DTNA: variants seen among roughly 807,000 people sequenced by gnomAD.
DTNA encodes the protein dystrobrevin alpha, also known as dystrophin-related protein 3.
Under a neutral mutation model 100.7 loss-of-function variants are expected in DTNA, and 43 were observed. The ratio of observed to expected loss-of-function variants is 0.43; its 90% CI spans 0.33 to 0.55. The LOEUF (loss-of-function observed/expected upper bound fraction) is 0.55, where lower values mean the gene tolerates loss of function less well. Among genes scored for constraint, DTNA ranks in the 20% least tolerant of loss-of-function variants. The probability of loss-of-function intolerance (pLI) is 0.04; values close to 1 mark genes in which losing one functional copy is unlikely to be tolerated. For synonymous variants in DTNA, 349 were observed against 347.9 expected, an observed-to-expected ratio of 1.00 and a Z score of -0.04; for missense variants, 798 against 953.9, an observed-to-expected ratio of 0.84 and a Z score of 2.15.
intron 4 of DTNA, among the ~76,000 whole-genome samples, chr18:34,802,908 T>G (rs1368126812): frequency 6.6e-6 from 1 of 152,210 alleles, no homozygotes; most frequent in Non-Finnish European, 1.5e-5. Flanking sequence ...CTGATATTTT[T>G]TAAAGGCCCC....
At chr18:34,806,492 T>G (rs1258251248) in intron 5 of DTNA, among the ~76,000 whole-genome samples, 188 bp downstream of exon 5, 1 of 152,248 alleles carries the variant, frequency 6.6e-6, no homozygotes, top group Admixed American at 6.5e-5. Context: ...TAAATGCTAA[T>G]GAAATGAATG....
At chr18:34,713,337 T>A (rs909571884) in intron 1 of DTNA, among the ~76,000 whole-genome samples, 1 of 152,170 alleles carries the variant, frequency 6.6e-6, no homozygotes, top group Non-Finnish European at 1.5e-5. Flanking sequence ...CATTTATAAG[T>A]CACTAGGAAT....
chr18:34,493,645 AGAG>A (rs2038786392), intron 1 of DTNA: 1 of 147,582 alleles, frequency 6.8e-6, no homozygotes, highest in African/African-American at 2.5e-5. Context: ...CGCCCGGTGC[AGAG>A]GAGCCCGCCG....
chr18:34,581,366 C>A (rs1250079737), intron 1 of DTNA, among the ~76,000 whole-genome samples: 1 of 152,190 alleles, frequency 6.6e-6, no homozygotes, highest in Non-Finnish European at 1.5e-5. Context: ...TTGCTGTGTC[C>A]TCAGGAGTGA....
intron 4 of DTNA, 139 bp downstream of exon 4, chr18:34,794,389 C>A: frequency 1.1e-6 from 1 of 922,292 alleles, no homozygotes; most frequent in Non-Finnish European, 1.7e-6. Context: ...ATGCTTATGT[C>A]AGTAAAGTCT....
intron 1 of DTNA, among the ~76,000 whole-genome samples, chr18:34,539,140 A>G (rs2044005339): frequency 6.6e-6 from 1 of 152,006 alleles, no homozygotes; most frequent in Admixed American, 6.6e-5. Context: ...AAGAATATGC[A>G]TTGATGGTCC....
At chr18:34,554,495 G>A (rs1468529767) in intron 1 of DTNA, among the ~76,000 whole-genome samples, 2 of 150,650 alleles carry the variant, frequency 1.3e-5, no homozygotes, top group Non-Finnish European at 3.0e-5. Context: ...CATTTAGTAT[G>A]ATATTGGCTG....
chr18:34,755,801 A>G (rs1329921423), intron 1 of DTNA, among the ~76,000 whole-genome samples, 175 bp from the exon 2 acceptor site: 1 of 152,234 alleles, frequency 6.6e-6, no homozygotes, highest in Non-Finnish European at 1.5e-5. Context: ...TATATGGAAA[A>G]ATATGCGCAG....
chr18:34,832,314 C>A (rs1028582071), intron 11 of DTNA, among the ~76,000 whole-genome samples: 13 of 152,152 alleles, frequency 8.5e-5, no homozygotes, highest in Admixed American at 7.9e-4. Context: ...GCAGATAATT[C>A]TTTACTTCAT....
intron 1 of DTNA, among the ~76,000 whole-genome samples, chr18:34,577,253 C>A (rs1463774500): frequency 6.6e-6 from 1 of 152,090 alleles, no homozygotes; most frequent in Non-Finnish European, 1.5e-5. Context: ...AATACTTTGT[C>A]TTGAAGTTTA....
chr18:34,706,990 TG>T (rs1299231159), upstream of DTNA, among the ~76,000 whole-genome samples: 1 of 152,212 alleles, frequency 6.6e-6, no homozygotes, highest in Non-Finnish European at 1.5e-5. Flanking sequence ...AAGCACTTTG[TG>T]GTATGAAAAA....
intron 9 of DTNA, chr18:34,825,356 G>T: frequency 6.5e-7 from 1 of 1,544,970 alleles, no homozygotes; most frequent in South Asian, 1.1e-5. Flanking sequence ...CAAAACAAGT[G>T]AGCAATATGA....
At chr18:34,556,778 AC>A (rs2046106426) in intron 1 of DTNA, among the ~76,000 whole-genome samples, 1 of 151,810 alleles carries the variant, frequency 6.6e-6, no homozygotes, top group South Asian at 2.1e-4. Flanking sequence ...GGGTAACCCA[AC>A]CTTTCTCTCT....
chr18:34,848,261 G>A (rs1175789455), intron 13 of DTNA, 35 bp from the exon 14 acceptor site: 3 of 1,604,568 alleles, frequency 1.9e-6, no homozygotes, highest in South Asian at 1.1e-5. Context: ...TTTCTCAGTT[G>A]CCTAACGGTC....
intron 1 of DTNA, among the ~76,000 whole-genome samples, chr18:34,538,585 A>C (rs1456046376): frequency 6.6e-6 from 1 of 151,978 alleles, no homozygotes; most frequent in Non-Finnish European, 1.5e-5. Flanking sequence ...TGTTTGTTTT[A>C]GTTTCCTCAT....
Position 34,811,941 on chromosome 18 carries a change from T to G in DTNA, c.449-18T>G. 1 of 1,613,804 alleles carries G rather than the reference T, an allele frequency of 6.2e-7. No individual in the cohort carries two copies. Among genetic ancestry groups the G allele is most frequent in the Non-Finnish European group, 8.5e-7 (1 of 1,179,744 alleles). ...ATGTTCATGTGATGAATAATATCTTTCCTTTTCCTTTCATCAGATATTTTC... is the reference window on the plus strand; with the variant it reads ...ATGTTCATGTGATGAATAATATCTTGCCTTTTCCTTTCATCAGATATTTTC... On this transcript the variant is annotated intron_variant, in intron 5 of 22. Transcript: ENST00000444659.
At chr18:34,816,097 G>A (rs1602560775) in intron 7 of DTNA, 83 bp downstream of exon 7, 1 of 1,381,926 alleles carries the variant, frequency 7.2e-7, no homozygotes, top group East Asian at 2.3e-5. Flanking sequence ...AGCCCAGGCT[G>A]TTGTTTTAGG....
chr18:34,690,207 T>C (rs2079548360), intron 1 of DTNA, among the ~76,000 whole-genome samples: 1 of 152,206 alleles, frequency 6.6e-6, no homozygotes. Flanking sequence ...AGAAAACTCC[T>C]GCAGCTAGCT....
At chr18:34,552,397 CTTTAAGTTTTAGGG>C (rs1568637004) in intron 1 of DTNA, among the ~76,000 whole-genome samples, 1 of 151,054 alleles carries the variant, frequency 6.6e-6, no homozygotes, top group East Asian at 2.0e-4. Context: ...TTAAATTATA[CTTTAAGTTTTAGGG>C]TACATGTGCA....
Sources: gnomAD v4.1 joint callset for allele counts (sites outside exome capture counted in the v4.1 genomes callset) on GRCh38, gnomAD v4.1.1 for gene constraint, MANE v1.5 for transcripts, NCBI Gene and HGNC (gene_info 2026-07-23, HGNC 2026-07-21) for gene names.